TRERF1: variants seen among roughly 807,000 people sequenced by gnomAD.
TRERF1 encodes transcriptional regulating factor 1, also known as transcriptional-regulating factor 1.
In TRERF1, 27 loss-of-function variants were observed where a neutral mutation model predicts 122.9. The observed-to-expected ratio is 0.22, with a 90% CI of 0.16 to 0.30. TRERF1 has a LOEUF of 0.30. Ranked by LOEUF, TRERF1 falls within the 10% of genes least tolerant of loss-of-function variation. The pLI is 1.00. For missense variants in TRERF1, 1,248 were observed against 1,560.3 expected (o/e 0.80, Z 3.37); for synonymous variants, 636 against 641.7 (o/e 0.99, Z 0.13).
chr6:42,383,529 A>G (rs2151168983), intron 2 of TRERF1, among the ~76,000 whole-genome samples: 1 of 152,182 alleles, frequency 6.6e-6, no homozygotes, highest in Non-Finnish European at 1.5e-5. Flanking sequence ...TGCTCTCCAT[A>G]TGAGTCAGAC....
At chr6:42,310,415 T>G (rs1788038733) in intron 3 of TRERF1, among the ~76,000 whole-genome samples, 1 of 152,132 alleles carries the variant, frequency 6.6e-6, no homozygotes, top group Non-Finnish European at 1.5e-5. Flanking sequence ...TGTGACACTG[T>G]GGGTTGGATA....
chr6:42,374,909 G>T (rs1277266783), intron 2 of TRERF1, among the ~76,000 whole-genome samples: 1 of 151,354 alleles, frequency 6.6e-6, no homozygotes, highest in African/African-American at 2.4e-5. Flanking sequence ...TATTCAGGAG[G>T]CTGAAGCATG....
chr6:42,369,847 C>G (rs1773446783), intron 2 of TRERF1, among the ~76,000 whole-genome samples: 1 of 152,106 alleles, frequency 6.6e-6, no homozygotes, highest in South Asian at 2.1e-4. Flanking sequence ...ATGACAAATC[C>G]AATCAAAACC....
At chr6:42,314,708 T>C (rs899757797) in intron 3 of TRERF1, among the ~76,000 whole-genome samples, 2 of 152,046 alleles carry the variant, frequency 1.3e-5, no homozygotes, top group Non-Finnish European at 2.9e-5. Context: ...TCTGAGCAAA[T>C]GCCTGAAGGA....
intron 4 of TRERF1, among the ~76,000 whole-genome samples, chr6:42,298,439 A>G (rs1431836324): frequency 6.6e-6 from 1 of 151,526 alleles, no homozygotes. Context: ...TACAGGTATG[A>G]GCTATTCCCC....
intron 2 of TRERF1, among the ~76,000 whole-genome samples, chr6:42,374,579 T>A (rs1774464894): frequency 6.6e-6 from 1 of 152,206 alleles, no homozygotes; most frequent in Admixed American, 6.5e-5. Flanking sequence ...ACCAGTCATT[T>A]CCTGCCAGAG....
chr6:42,291,177 C>T (rs904706990), intron 4 of TRERF1, among the ~76,000 whole-genome samples: 18 of 152,174 alleles, frequency 1.2e-4, no homozygotes, highest in Admixed American at 3.3e-4. Flanking sequence ...CCCAAGGTTG[C>T]ATGATTGGTG....
rs368215593 is a variant in TRERF1, at chr6:42,228,339, A to G, written c.*6T>C. The G allele has an allele frequency of 6.1e-5, 97 of 1,600,200 alleles. No homozygotes were observed. Among genetic ancestry groups the G allele is most frequent in the Non-Finnish European group, 7.9e-5 (93 of 1,170,806 alleles). ...TTTTCACTGTCTCTAAGTGACACAC[A>G]GGGCTTTATAGTTCTGCGTCACCCT... is the stretch of plus-strand genomic sequence containing the variant. On this transcript the variant is annotated 3_prime_UTR_variant, in exon 18 of 18. Coordinates refer to ENST00000372922, the Ensembl canonical transcript of TRERF1. This position sits in a 1 kb window ranked among gnomAD's most constrained non-coding sequence, Gnocchi z 4.2.
At chr6:42,377,605 C>T (rs559567432) in intron 2 of TRERF1, among the ~76,000 whole-genome samples, 24 of 152,322 alleles carry the variant, frequency 1.6e-4, no homozygotes, top group African/African-American at 5.3e-4. Context: ...CTGTCAGCAT[C>T]CGTGGGGCTG....
At chr6:42,258,669 G>A (rs1223570639) in intron 9 of TRERF1, among the ~76,000 whole-genome samples, 12 of 152,138 alleles carry the variant, frequency 7.9e-5, no homozygotes, top group Admixed American at 7.9e-4. Flanking sequence ...CCGCTTCCCG[G>A]GTTCAAGAGA....
At chr6:42,328,594 G>A (rs779801562) in intron 3 of TRERF1, among the ~76,000 whole-genome samples, 3 of 152,078 alleles carry the variant, frequency 2.0e-5, no homozygotes, top group East Asian at 1.9e-4. Context: ...GAGAACATGC[G>A]GTATTTGGTT....
intron 2 of TRERF1, among the ~76,000 whole-genome samples, chr6:42,376,962 T>C (rs1289773249): frequency 1.3e-5 from 2 of 151,646 alleles, no homozygotes; most frequent in Non-Finnish European, 2.9e-5. Context: ...GCCTCCCGGG[T>C]TCAAGCGATT....
At chr6:42,280,257 C>T (rs1002051742) in intron 4 of TRERF1, among the ~76,000 whole-genome samples, 1 of 152,192 alleles carries the variant, frequency 6.6e-6, no homozygotes, top group African/African-American at 2.4e-5. Flanking sequence ...CAAACAAACC[C>T]GAGGGGACCT....
intron 2 of TRERF1, among the ~76,000 whole-genome samples, chr6:42,391,610 A>C (rs1246085592): frequency 6.6e-6 from 1 of 151,986 alleles, no homozygotes; most frequent in African/African-American, 2.4e-5. Flanking sequence ...TACCCTTTGA[A>C]CACGATCTCT....
At chr6:42,233,268 A>G (rs1276410578) in intron 16 of TRERF1, among the ~76,000 whole-genome samples, 1 of 149,158 alleles carries the variant, frequency 6.7e-6, no homozygotes, top group Non-Finnish European at 1.5e-5. Flanking sequence ...AGAGGGCTGG[A>G]CCAGCTTTCA....
intron 3 of TRERF1, among the ~76,000 whole-genome samples, chr6:42,303,371 C>T (rs994554008): frequency 2.0e-5 from 3 of 152,172 alleles, no homozygotes; most frequent in Admixed American, 6.5e-5. Context: ...GGCAGAAATG[C>T]TTTCCTAAGG....
chr6:42,339,400 A>C (rs260273), intron 3 of TRERF1, among the ~76,000 whole-genome samples: 5,835 of 152,058 alleles, frequency 0.038, 245 homozygotes, highest in African/African-American at 0.11. Flanking sequence ...TCCGTCCCCA[A>C]CTCACAATAT....
chr6:42,236,289 G>A (rs765559282), exon 16 of TRERF1: 3 of 1,611,586 alleles, frequency 1.9e-6, no homozygotes, highest in African/African-American at 2.7e-5. Flanking sequence ...TGGGAGCCAG[G>A]ACGGGGACGG....
intron 3 of TRERF1, among the ~76,000 whole-genome samples, chr6:42,347,429 G>A (rs1014467183): frequency 1.3e-4 from 20 of 152,222 alleles, no homozygotes; most frequent in Non-Finnish European, 1.5e-5. Context: ...GAGAGGGAGT[G>A]GAGGTGTGGG....
Sources: gnomAD v4.1 joint callset for allele counts (sites outside exome capture counted in the v4.1 genomes callset) on GRCh38, gnomAD v4.1.1 for gene constraint, Gnocchi (gnomAD v3.1) non-coding constraint, MANE v1.5 for transcripts, NCBI Gene and HGNC (gene_info 2026-07-23, HGNC 2026-07-21) for gene names.